SPOCK3: variants seen among roughly 807,000 people sequenced by gnomAD.
SPOCK3 encodes the protein testican-3.
SPOCK3 carries 30 observed loss-of-function variants against 56.6 expected under a neutral mutation model. That is an observed-to-expected ratio of 0.53 (90% CI 0.40 to 0.72). The LOEUF (loss-of-function observed/expected upper bound fraction) is 0.72. Ranked by LOEUF, SPOCK3 falls within the 30% of genes least tolerant of loss-of-function variation. The pLI is 0.00. For synonymous variants in SPOCK3, 196 were observed against 183.3 expected (o/e 1.07, Z -0.56); for missense variants, 527 against 530.0 (o/e 0.99, Z 0.06).
chr4:167,213,742 AG>A (rs1404347311), intron 2 of SPOCK3, among the ~76,000 whole-genome samples: 1,629 of 152,264 alleles, frequency 0.011, 26 homozygotes, highest in African/African-American at 0.031. Context: ...TTGCATTACC[AG>A]TGTTTGATGA....
rs116396969 is a variant in SPOCK3, at chr4:167,178,856, G to T, written c.189+55129C>A. On this transcript the variant is annotated intron_variant, in intron 2 of 10. Transcript: ENST00000357545. Reference sequence around the variant, plus strand: ...ATAAAATACATGGTATTATAAAATGGTATATTTTTATATCCTGTTAGGTGC... The same window carrying T: ...ATAAAATACATGGTATTATAAAATGTTATATTTTTATATCCTGTTAGGTGC... 9.5e-3 allele frequency among the ~76,000 whole-genome samples: 1,445 copies of T among 151,978 alleles called. 16 individuals are homozygous for T. Among genetic ancestry groups the T allele is most frequent in the Non-Finnish European group, 0.013 (906 of 67,936 alleles).
intron 5 of SPOCK3, among the ~76,000 whole-genome samples, chr4:166,905,941 A>T (rs985973700): frequency 1.3e-5 from 2 of 151,984 alleles, no homozygotes; most frequent in Non-Finnish European, 2.9e-5. Flanking sequence ...AAAATTACCA[A>T]ACATTAATTA....
At chr4:166,738,316 A>C (rs1032176900) in intron 9 of SPOCK3, among the ~76,000 whole-genome samples, 1 of 152,048 alleles carries the variant, frequency 6.6e-6, no homozygotes, top group Non-Finnish European at 1.5e-5. Context: ...AGAAATATTT[A>C]GGTTCTCTTC....
chr4:167,231,950 A>G (rs1580703535), intron 2 of SPOCK3, among the ~76,000 whole-genome samples: 1 of 152,162 alleles, frequency 6.6e-6, no homozygotes, highest in East Asian at 1.9e-4. Context: ...TAGGTGTTGC[A>G]TATACTTCAA....
At chr4:166,894,747 C>A (rs1224877546) in intron 5 of SPOCK3, among the ~76,000 whole-genome samples, 4 of 152,136 alleles carry the variant, frequency 2.6e-5, no homozygotes, top group African/African-American at 9.7e-5. Context: ...CCATACCTAA[C>A]CCTTACCTTA....
chr4:167,005,453 T>C (rs1579970893), intron 3 of SPOCK3, among the ~76,000 whole-genome samples: 1 of 151,970 alleles, frequency 6.6e-6, no homozygotes, highest in African/African-American at 2.4e-5. Context: ...GACCTCGTGA[T>C]CCGCCCGCCT....
chr4:166,836,975 G>A (rs562162609), intron 6 of SPOCK3, among the ~76,000 whole-genome samples: 2 of 152,240 alleles, frequency 1.3e-5, no homozygotes, highest in East Asian at 3.9e-4. Flanking sequence ...TGTCCATACT[G>A]TATTTGGAAT....
intron 4 of SPOCK3, among the ~76,000 whole-genome samples, chr4:166,929,514 T>A (rs1010718515): frequency 4.0e-5 from 6 of 151,590 alleles, no homozygotes; most frequent in Non-Finnish European, 7.4e-5. Flanking sequence ...TTCAGGGGGA[T>A]TAACTCCAAA....
chr4:167,143,763 C>T (rs1034012865), intron 2 of SPOCK3, among the ~76,000 whole-genome samples: 3 of 151,934 alleles, frequency 2.0e-5, no homozygotes, highest in Admixed American at 2.0e-4. Context: ...CACCTCACTG[C>T]TCCAAAAGAC....
chr4:166,739,949 T>G (rs944629768), intron 9 of SPOCK3, among the ~76,000 whole-genome samples: 2 of 152,136 alleles, frequency 1.3e-5, no homozygotes, highest in Non-Finnish European at 2.9e-5. Context: ...TCAGAACGCT[T>G]TCTATGGATT....
intron 6 of SPOCK3, among the ~76,000 whole-genome samples, chr4:166,811,058 T>C (rs1743716364): frequency 6.6e-6 from 1 of 151,930 alleles, no homozygotes. Flanking sequence ...TTTATTATAT[T>C]TTTGTTTCTA....
At chr4:166,936,273 C>T (rs565161649) in intron 4 of SPOCK3, among the ~76,000 whole-genome samples, 37 of 152,088 alleles carry the variant, frequency 2.4e-4, no homozygotes, top group African/African-American at 8.7e-4. Flanking sequence ...TTAACATATA[C>T]TTTTTAAAAA....
intron 2 of SPOCK3, among the ~76,000 whole-genome samples, chr4:167,153,942 T>G: frequency 6.6e-6 from 1 of 152,004 alleles, no homozygotes; most frequent in East Asian, 1.9e-4. Flanking sequence ...GAGCCTTCCT[T>G]TCCATACTCC....
At chr4:166,788,969 T>C (rs1741039984) in intron 7 of SPOCK3, among the ~76,000 whole-genome samples, 1 of 97,060 alleles carries the variant, frequency 1.0e-5, no homozygotes, top group Admixed American at 1.0e-4. Context: ...TTTTTCTCTC[T>C]TTATTAAAAT....
At chr4:166,969,957 G>C (rs1377687089) in intron 4 of SPOCK3, among the ~76,000 whole-genome samples, 1 of 152,086 alleles carries the variant, frequency 6.6e-6, no homozygotes, top group Non-Finnish European at 1.5e-5. Flanking sequence ...ATTTTTCTAT[G>C]TCAATATACA....
chr4:167,184,227 C>A (rs569013848), intron 2 of SPOCK3, among the ~76,000 whole-genome samples: 2 of 152,240 alleles, frequency 1.3e-5, no homozygotes, highest in Admixed American at 6.5e-5. Context: ...TTAACTATTT[C>A]TTTAGTCTGA....
At chr4:166,859,626 C>T (rs1017617386) in intron 6 of SPOCK3, among the ~76,000 whole-genome samples, 23 of 152,022 alleles carry the variant, frequency 1.5e-4, no homozygotes, top group African/African-American at 5.6e-4. Flanking sequence ...AGAAAATTCA[C>T]GTGTCTTATA....
At chr4:167,189,261 A>G (rs1335449520) in intron 2 of SPOCK3, among the ~76,000 whole-genome samples, 1 of 146,128 alleles carries the variant, frequency 6.8e-6, no homozygotes, top group Admixed American at 7.0e-5. Context: ...TTTGAAGTTC[A>G]CTTAAATATG....
intron 6 of SPOCK3, among the ~76,000 whole-genome samples, chr4:166,820,459 G>A (rs9999341): frequency 0.12 from 18,234 of 151,842 alleles, 2,859 homozygotes; most frequent in African/African-American, 0.36. Context: ...TACATTTAGG[G>A]TCATACAGCT....
Sources: allele counts gnomAD v4.1 joint callset (sites outside exome capture counted in the v4.1 genomes callset), GRCh38; gene constraint gnomAD v4.1.1; transcripts MANE v1.5; gene names NCBI Gene and HGNC (gene_info 2026-07-23, HGNC 2026-07-21).